KALRN: variants seen among roughly 807,000 people sequenced by gnomAD.
The protein encoded by KALRN is kalirin RhoGEF kinase, also known as kalirin.
Under a neutral mutation model 353.7 loss-of-function variants are expected in KALRN, and 70 were observed. The observed-to-expected ratio is 0.20, with a 90% CI of 0.16 to 0.24. The LOEUF (loss-of-function observed/expected upper bound fraction) is 0.24. Among genes scored for constraint, KALRN ranks in the 10% least tolerant of loss-of-function variants. The pLI is 1.00. For missense variants in KALRN, 2,791 were observed against 3,756.7 expected, an observed-to-expected ratio of 0.74 and a Z score of 6.72; for synonymous variants, 1,391 against 1,434.8, an observed-to-expected ratio of 0.97 and a Z score of 0.69.
At position 124,590,505 on chromosome 3, in the gene KALRN, G is replaced by C. The variant is rs1409790992; in HGVS notation, c.5182+27416G>C. Among the ~76,000 whole-genome samples, 5 of 152,162 alleles carry C rather than the reference G, an allele frequency of 3.3e-5. No individual in the cohort carries two copies. The South Asian group carries it at 6.2e-4, about 19-fold the overall frequency. ...GTTGAATGTTGAGGACTTTACTCTT[G>C]AGCCCATACAACACTGGGCATACCT... On this transcript the variant is annotated intron_variant, in intron 34 of 59. Coordinates refer to ENST00000682506, the MANE Select transcript of KALRN (RefSeq NM_001388419.1).
intron 1 of KALRN, among the ~76,000 whole-genome samples, chr3:124,082,557 T>C (rs1234872491): frequency 6.6e-6 from 1 of 152,204 alleles, no homozygotes; most frequent in Non-Finnish European, 1.5e-5. Flanking sequence ...AGGGAAGTGA[T>C]ACCAAATGAG....
At chr3:124,329,728 C>G in intron 7 of KALRN, 133 bp from the exon 8 acceptor site, 1 of 942,012 alleles carries the variant, frequency 1.1e-6, no homozygotes, top group Non-Finnish European at 1.6e-6. Context: ...AAAACTCTAC[C>G]CTCTACAGTG....
intron 51 of KALRN, among the ~76,000 whole-genome samples, chr3:124,687,004 G>T (rs535428168): frequency 6.6e-6 from 1 of 151,580 alleles, no homozygotes; most frequent in African/African-American, 2.4e-5. Context: ...TTTTAGAAGT[G>T]GGTTCTCCCG....
chr3:124,345,679 A>G (rs1354704382), intron 9 of KALRN, among the ~76,000 whole-genome samples: 1 of 152,162 alleles, frequency 6.6e-6, no homozygotes, highest in Admixed American at 6.5e-5. Context: ...CTTCATGATG[A>G]TGGACAATTA....
intron 1 of KALRN, among the ~76,000 whole-genome samples, chr3:124,136,568 G>A (rs1267499060): frequency 6.6e-6 from 1 of 152,204 alleles, no homozygotes; most frequent in Non-Finnish European, 1.5e-5. Flanking sequence ...GGGAGCCTGG[G>A]TGGTAGAGTG....
chr3:124,636,567 G>T (rs1032254709), intron 36 of KALRN, among the ~76,000 whole-genome samples: 4 of 152,148 alleles, frequency 2.6e-5, no homozygotes, highest in African/African-American at 9.7e-5. Context: ...CAGTTCAGGG[G>T]CCTTACCAGA....
chr3:124,370,048 G>A (rs1441533166), intron 10 of KALRN, among the ~76,000 whole-genome samples: 3 of 151,918 alleles, frequency 2.0e-5, no homozygotes, highest in Non-Finnish European at 4.4e-5. Context: ...TATGGAAAAT[G>A]GAATTAAAAA....
intron 34 of KALRN, among the ~76,000 whole-genome samples, chr3:124,574,527 C>T (rs12629014): frequency 0.19 from 28,675 of 152,062 alleles, 3,428 homozygotes; most frequent in East Asian, 0.45. Context: ...AATGAACCAG[C>T]TGATGGAGCT....
intron 47 of KALRN, among the ~76,000 whole-genome samples, chr3:124,670,551 C>T (rs970603565): frequency 6.6e-6 from 1 of 152,170 alleles, no homozygotes; most frequent in African/African-American, 2.4e-5. Flanking sequence ...CCTTCTGAGA[C>T]CTCAAGTAGA....
chr3:124,314,112 A>T (rs1018753494), intron 6 of KALRN, among the ~76,000 whole-genome samples: 1 of 152,112 alleles, frequency 6.6e-6, no homozygotes, highest in African/African-American at 2.4e-5. Context: ...AATGTCCATC[A>T]ATGATAGACT....
intron 9 of KALRN, among the ~76,000 whole-genome samples, chr3:124,336,009 C>T (rs138102767): frequency 6.6e-6 from 1 of 152,224 alleles, no homozygotes; most frequent in African/African-American, 2.4e-5. Flanking sequence ...AGTGGTCAGG[C>T]AGAGTGGAGG....
At chr3:124,270,819 G>GTTTTTTTTTTTTTT (rs1553885259) in intron 5 of KALRN, among the ~76,000 whole-genome samples, 6 of 68,020 alleles carry the variant, frequency 8.8e-5, no homozygotes, top group Non-Finnish European at 1.3e-4. Flanking sequence ...TTATTTTTTT[G>GTTTTTTTTTTTTTT]TTTTGTTTTT....
intron 6 of KALRN, among the ~76,000 whole-genome samples, chr3:124,324,933 C>T (rs1468602108): frequency 2.6e-5 from 4 of 152,190 alleles, no homozygotes; most frequent in Non-Finnish European, 5.9e-5. Flanking sequence ...CTCCCTGGTC[C>T]TCCTTCATGC....
intron 23 of KALRN, among the ~76,000 whole-genome samples, chr3:124,457,974 A>G (rs1401531425): frequency 6.6e-6 from 1 of 152,094 alleles, no homozygotes; most frequent in Non-Finnish European, 1.5e-5. Context: ...TAAATTGTAT[A>G]TAATTGAGAA....
intron 37 of KALRN, among the ~76,000 whole-genome samples, chr3:124,642,241 G>A (rs887451975): frequency 2.0e-5 from 3 of 152,010 alleles, no homozygotes; most frequent in Non-Finnish European, 2.9e-5. Context: ...CCGAGATCGC[G>A]CCACTGCACT....
chr3:124,114,191 G>A (rs2063251319), intron 1 of KALRN, among the ~76,000 whole-genome samples: 1 of 152,210 alleles, frequency 6.6e-6, no homozygotes, highest in Non-Finnish European at 1.5e-5. Context: ...GCCATTATCG[G>A]CATTTGGATA....
intron 10 of KALRN, among the ~76,000 whole-genome samples, chr3:124,359,082 T>C (rs2083731393): frequency 1.3e-5 from 2 of 152,182 alleles, no homozygotes; most frequent in Admixed American, 6.5e-5. Flanking sequence ...TTTTCCCTCC[T>C]TGCCTCTAAG....
chr3:124,198,106 C>G (rs1028577713), intron 1 of KALRN, among the ~76,000 whole-genome samples: 4 of 152,082 alleles, frequency 2.6e-5, no homozygotes, highest in Admixed American at 1.3e-4. Context: ...GATTTCTGAT[C>G]GAGGAATTAA....
chr3:124,464,932 A>G (rs1010483340), intron 25 of KALRN, among the ~76,000 whole-genome samples: 1 of 151,802 alleles, frequency 6.6e-6, no homozygotes, highest in South Asian at 2.1e-4. Flanking sequence ...GTATCCCACC[A>G]TAGGGCCCAA....
Sources: gnomAD v4.1 joint callset for allele counts (sites outside exome capture counted in the v4.1 genomes callset) on GRCh38, gnomAD v4.1.1 for gene constraint, MANE v1.5 for transcripts, NCBI Gene and HGNC (gene_info 2026-07-23, HGNC 2026-07-21) for gene names.